The following IRF2 variants were observed in gnomAD, a reference collection of about 807,000 sequenced individuals.
IRF2 encodes the protein interferon regulatory factor 2.
Under a neutral mutation model 40.6 loss-of-function variants are expected in IRF2, and 15 were observed. The ratio of observed to expected loss-of-function variants is 0.37; its 90% CI spans 0.25 to 0.57. The LOEUF (loss-of-function observed/expected upper bound fraction) is 0.57, where lower values mean the gene tolerates loss of function less well. IRF2 is among the 20% of genes least tolerant of loss of function. IRF2 has a pLI of 0.77. For synonymous variants in IRF2, 151 were observed against 165.5 expected, an observed-to-expected ratio of 0.91 and a Z score of 0.67; for missense variants, 317 against 455.7, an observed-to-expected ratio of 0.70 and a Z score of 2.77.
Position 184,419,497 on chromosome 4 carries a change from T to C in IRF2, c.159A>G (p.Pro53=). Residue 53 remains proline, a synonymous_variant, in exon 3 of 9, where the codon CCA becomes CCG. Transcript: ENST00000393593. Reference sequence around the variant, plus strand: ...TATGGATTGCCCAGTTTCTAAAGAGTGGTGCATCTTTTTCCACATCCCACC... The same window carrying C: ...TATGGATTGCCCAGTTTCTAAAGAGCGGTGCATCTTTTTCCACATCCCACC... The part of the protein sequence containing the change: ...RHGWDVEKDA[P]LFRNWAIHTG... The C allele has an allele frequency of 3.7e-6, 6 of 1,604,460 alleles. No homozygotes were observed. Among genetic ancestry groups the C allele is most frequent in the South Asian group, 2.2e-5 (2 of 90,760 alleles).
At chr4:184,459,138 C>T (rs546190193) in intron 1 of IRF2, among the ~76,000 whole-genome samples, 45 of 152,108 alleles carry the variant, frequency 3.0e-4, no homozygotes, top group African/African-American at 1.1e-3. Flanking sequence ...GCAGACAGAG[C>T]AGCCGCAATG....
At chr4:184,415,534 C>T (rs748414468) in intron 5 of IRF2, among the ~76,000 whole-genome samples, 4 of 152,234 alleles carry the variant, frequency 2.6e-5, no homozygotes, top group Non-Finnish European at 1.5e-5. Context: ...TACATTTCCT[C>T]GCATTGCCAC....
chr4:184,429,167 C>T (rs1737780536), intron 1 of IRF2, 97 bp from the exon 2 acceptor site: 8 of 668,064 alleles, frequency 1.2e-5, no homozygotes, highest in Admixed American at 2.2e-5. Flanking sequence ...TCCTTCTCTC[C>T]TTTCCTGGGG....
At chr4:184,439,135 TC>T (rs1738197420) in intron 1 of IRF2, among the ~76,000 whole-genome samples, 1 of 152,142 alleles carries the variant, frequency 6.6e-6, no homozygotes, top group African/African-American at 2.4e-5. Context: ...CTCCAGCCAG[TC>T]TTCCTCATAA....
chr4:184,428,873 A>G (rs568614056), intron 2 of IRF2, 105 bp downstream of exon 2: 5 of 922,604 alleles, frequency 5.4e-6, no homozygotes, highest in African/African-American at 1.6e-5. Flanking sequence ...TTTGTCATGA[A>G]TAAGCCTAAG....
In IRF2 at chr4:184,388,593, G is replaced by A; in HGVS notation, c.*165C>T. ...CAATGGGCTGGAGTCCTGAGTTAAA[G>A]AGAAGCTCCAGTACTGGAGTTGGAC... On this transcript the variant is annotated 3_prime_UTR_variant, in exon 9 of 9. Transcript: ENST00000393593. This position sits in a 1 kb window ranked among gnomAD's most constrained non-coding sequence, Gnocchi z 4.6. 2.9e-6 allele frequency: 2 copies of A among 678,244 alleles called. No homozygotes were observed. Among genetic ancestry groups the A allele is most frequent in the Non-Finnish European group, 2.4e-6 (1 of 410,830 alleles). 42.0% of individuals were successfully genotyped at this position (678,244 alleles called of 1,614,324 possible).
intron 1 of IRF2, among the ~76,000 whole-genome samples, chr4:184,447,530 T>A (rs1738557879): frequency 6.6e-6 from 1 of 152,214 alleles, no homozygotes; most frequent in Non-Finnish European, 1.5e-5. Context: ...GATACTTACA[T>A]AGCCTCAAAA....
At position 184,415,036 on chromosome 4, in the gene IRF2, C is replaced by T. The variant is rs1001275617; in HGVS notation, c.411+3131G>A. Among the ~76,000 whole-genome samples the T allele has an allele frequency of 2.6e-5, 4 of 152,110 alleles. No homozygotes were observed. In the South Asian group the frequency reaches 8.3e-4, roughly 32 times the overall value. ...TAATTGTCCTCTGACTTTCCAATTC[C>T]AGACGCCCTAGGGAGTTCACTTTTC... On this transcript the variant is annotated intron_variant, in intron 5 of 8. Transcript: ENST00000393593.
intron 6 of IRF2, 122 bp from the exon 7 acceptor site, chr4:184,399,201 T>C: frequency 2.0e-6 from 2 of 993,230 alleles, no homozygotes; most frequent in Non-Finnish European, 1.4e-6. Flanking sequence ...ATCTGTCCCC[T>C]GCCATGGGGC....
intron 7 of IRF2, among the ~76,000 whole-genome samples, chr4:184,396,940 T>C (rs1169611261): frequency 1.3e-5 from 2 of 152,030 alleles, no homozygotes; most frequent in African/African-American, 4.8e-5. Flanking sequence ...CTATTTCTAT[T>C]AACAACAACA....
intron 1 of IRF2, among the ~76,000 whole-genome samples, chr4:184,459,320 A>T (rs1382080068): frequency 6.6e-6 from 1 of 152,224 alleles, no homozygotes; most frequent in Admixed American, 6.5e-5. Context: ...TCAACAAAAC[A>T]TACTAAGTAC....
chr4:184,472,432 A>C (rs1367708356), intron 1 of IRF2: 1 of 152,040 alleles, frequency 6.6e-6, no homozygotes, highest in Non-Finnish European at 1.5e-5. Flanking sequence ...CCTGCAGTCG[A>C]TATGAAAACT....
chr4:184,407,428 A>G (rs1201086779), intron 6 of IRF2: 7 of 349,680 alleles, frequency 2.0e-5, no homozygotes, highest in Non-Finnish European at 3.8e-5. Context: ...CATTGTAAAG[A>G]GCCTGCATCT....
chr4:184,391,695 C>T (rs545998878), intron 7 of IRF2, among the ~76,000 whole-genome samples: 237 of 152,376 alleles, frequency 1.6e-3, no homozygotes, highest in Non-Finnish European at 2.4e-3. Context: ...AGCTAAGCCA[C>T]GCCTGGATTC....
intron 5 of IRF2, among the ~76,000 whole-genome samples, chr4:184,411,800 C>T (rs1412226378): frequency 1.3e-5 from 2 of 151,878 alleles, no homozygotes; most frequent in Non-Finnish European, 2.9e-5. Context: ...ACTCTTCGCC[C>T]GAAGCCTCTC....
At chr4:184,407,532 G>T (rs1191491202) in intron 6 of IRF2, among the ~76,000 whole-genome samples, 1 of 152,174 alleles carries the variant, frequency 6.6e-6, no homozygotes, top group Non-Finnish European at 1.5e-5. Flanking sequence ...TCTAAATTTG[G>T]TGCCTTGATT....
intron 2 of IRF2, among the ~76,000 whole-genome samples, chr4:184,424,032 G>C (rs2149902235): frequency 6.6e-6 from 1 of 151,018 alleles, no homozygotes; most frequent in African/African-American, 2.4e-5. Context: ...TGCTGTCAGG[G>C]AGCTGCTTTA....
intron 1 of IRF2, among the ~76,000 whole-genome samples, chr4:184,451,425 G>A (rs1236891266): frequency 6.6e-6 from 1 of 152,156 alleles, no homozygotes; most frequent in African/African-American, 2.4e-5. Context: ...GATGCACTCA[G>A]CATTAAACTC....
In IRF2 at chr4:184,408,028, A is replaced by G. The variant is rs1736924840; in HGVS notation, c.529+130T>C. 1 of 594,158 alleles carries G rather than the reference A, an allele frequency of 1.7e-6. No individual in the cohort carries two copies. Among genetic ancestry groups the G allele is most frequent in the Non-Finnish European group, 3.0e-6 (1 of 329,084 alleles). The allele number at this position is 594,158 out of a possible 1,614,324, so 36.8% of individuals were successfully genotyped here. On this transcript the variant is annotated intron_variant, in intron 6 of 8. Coordinates refer to ENST00000393593, the MANE Select transcript of IRF2 (RefSeq NM_002199.4). The surrounding 1 kb of genome is among the most constrained non-coding windows in gnomAD (Gnocchi z 4.9). ...CTCAGCCTTGAAATCTGGGGGCTGG[A>G]ACTTGCATTCTGAGATGATTCCAAG...
Sources: allele counts gnomAD v4.1 joint callset (sites outside exome capture counted in the v4.1 genomes callset), GRCh38; gene constraint gnomAD v4.1.1; non-coding constraint Gnocchi (gnomAD v3.1); transcripts MANE v1.5; gene names NCBI Gene and HGNC (gene_info 2026-07-23, HGNC 2026-07-21).